MADD: variants seen among roughly 807,000 people sequenced by gnomAD.
MADD encodes MAP kinase-activating death domain protein.
Under a neutral mutation model 176.7 loss-of-function variants are expected in MADD, and 109 were observed. The observed-to-expected ratio is 0.62, with a 90% CI of 0.53 to 0.72. MADD has a LOEUF of 0.72. Among genes scored for constraint, MADD ranks in the 30% least tolerant of loss-of-function variants. The probability of loss-of-function intolerance (pLI) is 0.00; values close to 1 mark genes in which losing one functional copy is unlikely to be tolerated. For missense variants in MADD, 1,914 were observed against 2,045.5 expected (o/e 0.94, Z 1.24); for synonymous variants, 771 against 771.3 (o/e 1.00, Z 0.01).
chr11:47,310,140 C>A (rs747382441), intron 25 of MADD, among the ~76,000 whole-genome samples: 2 of 151,598 alleles, frequency 1.3e-5, no homozygotes, highest in Non-Finnish European at 2.9e-5. Context: ...GTGCGCCCGA[C>A]CAAGAACTGA....
At chr11:47,271,775 A>G (rs750832042) in intron 1 of MADD, among the ~76,000 whole-genome samples, 6 of 149,370 alleles carry the variant, frequency 4.0e-5, no homozygotes, top group Middle Eastern at 3.4e-3. Flanking sequence ...ATAATTCTTT[A>G]TTAAAACAAA....
exon 23 of MADD, chr11:47,308,601 A>G: frequency 3.1e-6 from 5 of 1,613,856 alleles, no homozygotes; most frequent in Non-Finnish European, 4.2e-6. Flanking sequence ...GGTAAAGCCC[A>G]CAGCTTGAAG....
chr11:47,295,260 C>T (rs1260785473), intron 20 of MADD, among the ~76,000 whole-genome samples: 1 of 152,138 alleles, frequency 6.6e-6, no homozygotes, highest in East Asian at 1.9e-4. Context: ...GATCCTCCCA[C>T]CTCAGCCTCC....
intron 2 of MADD, 125 bp from the exon 3 acceptor site, chr11:47,274,438 C>T: frequency 1.3e-6 from 1 of 793,586 alleles, no homozygotes; most frequent in Non-Finnish European, 2.1e-6. Context: ...CCATATTTTC[C>T]AAGGTGTTAC....
At chr11:47,299,487 G>A (rs2075838916) in intron 22 of MADD, among the ~76,000 whole-genome samples, 1 of 149,494 alleles carries the variant, frequency 6.7e-6, no homozygotes. Context: ...TTTATTGTTG[G>A]TATATAGACA....
At chr11:47,294,052 A>C in intron 20 of MADD, 69 bp downstream of exon 22, 2 of 1,305,728 alleles carry the variant, frequency 1.5e-6, no homozygotes, top group Non-Finnish European at 2.2e-6. Context: ...TTTAAGTTAA[A>C]ATAGAACAGT....
At chr11:47,279,474 T>G (rs2054172716) in intron 7 of MADD, among the ~76,000 whole-genome samples, 1 of 149,032 alleles carries the variant, frequency 6.7e-6, no homozygotes, top group Non-Finnish European at 1.5e-5. Context: ...AAGCTCTGCC[T>G]TCTGAGTTCA....
intron 7 of MADD, among the ~76,000 whole-genome samples, 175 bp downstream of exon 7, chr11:47,279,254 G>C (rs986709935): frequency 6.6e-6 from 1 of 151,884 alleles, no homozygotes; most frequent in Non-Finnish European, 1.5e-5. Context: ...GTGAATTTCT[G>C]TTTTTGATTC....
rs1427395541 is a variant in MADD at position 47,327,224 on chromosome 11, C to T, written c.4612+417C>T. 4 of 1,000,128 alleles carry T rather than the reference C, an allele frequency of 4.0e-6. No individual in the cohort carries two copies. In the African/African-American group the frequency reaches 6.9e-5, roughly 17 times the overall value. The allele number at this position is 1,000,128 out of a possible 1,614,324, so 62.0% of individuals were successfully genotyped here. A position where few individuals can be genotyped will look rare whatever the true frequency, so the allele number is the denominator to read the frequency against. Reference sequence around the variant, plus strand: ...AGCCTCCCTGGCGCCGCTCTGGTCTCCACCTGGCCTCTGTGCCAGACAAAG... The same window carrying T: ...AGCCTCCCTGGCGCCGCTCTGGTCTTCACCTGGCCTCTGTGCCAGACAAAG... On this transcript the variant is annotated intron_variant, in intron 31 of 32. Transcript: ENST00000402192.
intron 27 of MADD, among the ~76,000 whole-genome samples, chr11:47,320,962 T>G (rs1354720164): frequency 6.6e-6 from 1 of 152,162 alleles, no homozygotes; most frequent in East Asian, 1.9e-4. Flanking sequence ...TTGAATATCC[T>G]TGAACATATA....
At chr11:47,328,154 C>T (rs2095657902) in intron 31 of MADD, 1 of 1,020,210 alleles carries the variant, frequency 9.8e-7, no homozygotes, top group Admixed American at 5.1e-5. Flanking sequence ...CATCCAGCCT[C>T]AAGACCCTCT....
exon 19 of MADD, chr11:47,290,808 C>T: frequency 6.2e-7 from 1 of 1,611,356 alleles, no homozygotes; most frequent in Non-Finnish European, 8.5e-7. Context: ...AATTTTATAG[C>T]ATCTATTGGT....
intron 13 of MADD, 121 bp from the exon 14 acceptor site, chr11:47,285,330 G>A (rs539101721): frequency 1.3e-6 from 2 of 1,553,128 alleles, no homozygotes; most frequent in South Asian, 2.4e-5. Flanking sequence ...ATGGTGTTCT[G>A]ATCCAGGGGC....
intron 6 of MADD, 128 bp downstream of exon 6, chr11:47,278,406 C>T: frequency 1.5e-6 from 1 of 687,264 alleles, no homozygotes; most frequent in Non-Finnish European, 2.5e-6. Context: ...TATTGCGAGA[C>T]TTACTGAAAC....
intron 1 of MADD, chr11:47,271,827 C>G (rs1964404998): frequency 6.6e-6 from 1 of 151,672 alleles, no homozygotes; most frequent in Non-Finnish European, 1.5e-5. Flanking sequence ...CTCTATTTCT[C>G]TCCCCCTTGG....
At chr11:47,276,680 G>T in intron 4 of MADD, 52 bp from the exon 5 acceptor site, 3 of 1,597,110 alleles carry the variant, frequency 1.9e-6, no homozygotes, top group Non-Finnish European at 2.6e-6. Context: ...CTGTTTTCTT[G>T]TAAACCATAT....
chr11:47,302,252 C>T (rs912592096), intron 22 of MADD, among the ~76,000 whole-genome samples: 9 of 152,054 alleles, frequency 5.9e-5, no homozygotes, highest in Admixed American at 1.3e-4. Context: ...CTCACTCTGT[C>T]GCCCAGGCTG....
intron 22 of MADD, among the ~76,000 whole-genome samples, chr11:47,296,773 T>G (rs573692529): frequency 2.0e-5 from 3 of 149,834 alleles, no homozygotes; most frequent in South Asian, 2.1e-4. Context: ...TGTTTTTTTT[T>G]TTTTTTTTTT....
At chr11:47,297,793 T>TC (rs1298280185) in intron 22 of MADD, among the ~76,000 whole-genome samples, 2 of 144,576 alleles carry the variant, frequency 1.4e-5, no homozygotes, top group African/African-American at 5.1e-5. Flanking sequence ...TTCTTTCTTT[T>TC]TTTTTTTTTT....
Sources: gnomAD v4.1 joint callset for allele counts (sites outside exome capture counted in the v4.1 genomes callset) on GRCh38, gnomAD v4.1.1 for gene constraint, MANE v1.5 for transcripts, NCBI Gene and HGNC (gene_info 2026-07-23, HGNC 2026-07-21) for gene names.